Variants in LRMDA observed in about 807,000 individuals in gnomAD.
LRMDA encodes leucine rich melanocyte differentiation associated.
A neutral mutation model predicts 29.8 loss-of-function variants in LRMDA; 18 were observed. The ratio of observed to expected loss-of-function variants is 0.60; its 90% CI spans 0.42 to 0.90. LRMDA has a LOEUF of 0.90. LRMDA is among the 40% of genes least tolerant of loss of function. The pLI is 0.00. For synonymous variants in LRMDA, 125 were observed against 109.4 expected (o/e 1.14, Z -0.89); for missense variants, 273 against 273.9 (o/e 1.00, Z 0.02).
chr10:76,159,894 G>A (rs535307109), intron 5 of LRMDA, among the ~76,000 whole-genome samples: 1 of 152,118 alleles, frequency 6.6e-6, no homozygotes, highest in Non-Finnish European at 1.5e-5. Flanking sequence ...GGATGAATAG[G>A]CAGAGAACAG....
At chr10:75,856,261 T>C (rs1186897980) in intron 2 of LRMDA, among the ~76,000 whole-genome samples, 5 of 152,214 alleles carry the variant, frequency 3.3e-5, no homozygotes. Flanking sequence ...TTTGTAGTTC[T>C]CCTTGAAGAG....
At chr10:75,557,035 C>A (rs1267079187) in intron 2 of LRMDA, among the ~76,000 whole-genome samples, 1 of 151,814 alleles carries the variant, frequency 6.6e-6, no homozygotes, top group Non-Finnish European at 1.5e-5. Context: ...AAAATGGGGC[C>A]AGGCATGGTG....
chr10:76,554,749 A>G (rs1282004745), intron 6 of LRMDA, among the ~76,000 whole-genome samples: 2 of 152,156 alleles, frequency 1.3e-5, no homozygotes, highest in Non-Finnish European at 1.5e-5. Context: ...CTTGCCATTC[A>G]AGTTGCATGT....
intron 5 of LRMDA, chr10:76,318,910 T>G (rs901830968): frequency 4.8e-5 from 7 of 146,680 alleles, no homozygotes; most frequent in African/African-American, 1.5e-4. Context: ...TGGTATGTAG[T>G]TTTTTTTTTG....
At chr10:76,222,297 C>T (rs1183257051) in intron 5 of LRMDA, among the ~76,000 whole-genome samples, 1 of 152,126 alleles carries the variant, frequency 6.6e-6, no homozygotes, top group Non-Finnish European at 1.5e-5. Context: ...AGAGCTTCTG[C>T]ACAGCAAAAG....
intron 5 of LRMDA, among the ~76,000 whole-genome samples, chr10:76,109,868 C>CA (rs977599131): frequency 1.4e-4 from 22 of 152,242 alleles, no homozygotes; most frequent in African/African-American, 5.3e-4. Flanking sequence ...CCTCCCTGGC[C>CA]ACTCTTACAT....
intron 5 of LRMDA, among the ~76,000 whole-genome samples, chr10:76,231,150 A>G (rs915978547): frequency 6.6e-6 from 1 of 152,192 alleles, no homozygotes; most frequent in Non-Finnish European, 1.5e-5. Context: ...GGAAAGAGAA[A>G]GAAAGAAAAA....
chr10:75,978,575 T>C (rs1847113409), intron 2 of LRMDA, among the ~76,000 whole-genome samples: 1 of 152,208 alleles, frequency 6.6e-6, no homozygotes, highest in African/African-American at 2.4e-5. Context: ...ATCCAGGTTC[T>C]GTTACAAAGC....
At chr10:75,782,053 A>T (rs1291331405) in intron 2 of LRMDA, among the ~76,000 whole-genome samples, 1 of 152,228 alleles carries the variant, frequency 6.6e-6, no homozygotes, top group Non-Finnish European at 1.5e-5. Flanking sequence ...TTTGTGAAGC[A>T]TGTGAGAACC....
At chr10:76,031,497 C>T (rs1019780861) in intron 2 of LRMDA, among the ~76,000 whole-genome samples, 2 of 152,104 alleles carry the variant, frequency 1.3e-5, no homozygotes, top group Admixed American at 6.5e-5. Flanking sequence ...GAACAGTGCT[C>T]AGTGGATGAG....
intron 6 of LRMDA, among the ~76,000 whole-genome samples, chr10:76,405,503 A>G (rs77640677): frequency 0.017 from 2,640 of 152,274 alleles, 71 homozygotes; most frequent in African/African-American, 0.06. Flanking sequence ...CAACAGGGTA[A>G]AGGACCAGAC....
At chr10:75,635,889 T>C (rs1399652480) in intron 2 of LRMDA, among the ~76,000 whole-genome samples, 2 of 152,132 alleles carry the variant, frequency 1.3e-5, no homozygotes, top group Non-Finnish European at 2.9e-5. Context: ...GTTTACTCAT[T>C]TTTGAGAAGC....
intron 2 of LRMDA, among the ~76,000 whole-genome samples, chr10:75,690,850 A>G (rs929826655): frequency 9.9e-5 from 15 of 150,818 alleles, no homozygotes; most frequent in Non-Finnish European, 1.9e-4. Context: ...GTGTGCACCT[A>G]CAGTCCTAGC....
intron 6 of LRMDA, among the ~76,000 whole-genome samples, chr10:76,551,340 G>A (rs1843492082): frequency 6.6e-6 from 1 of 151,920 alleles, no homozygotes; most frequent in East Asian, 1.9e-4. Context: ...TCATACCAGA[G>A]GTTAAAAGAT....
At chr10:75,702,454 G>T (rs867925685) in intron 2 of LRMDA, among the ~76,000 whole-genome samples, 2 of 152,134 alleles carry the variant, frequency 1.3e-5, no homozygotes, top group Non-Finnish European at 2.9e-5. Context: ...GACTTTAGGG[G>T]CCCACTAAAG....
chr10:76,143,833 A>G (rs1281622958), intron 5 of LRMDA, among the ~76,000 whole-genome samples: 1 of 152,176 alleles, frequency 6.6e-6, no homozygotes, highest in Non-Finnish European at 1.5e-5. Flanking sequence ...TAGGTCTAAC[A>G]TTTAAGTCTT....
intron 2 of LRMDA, among the ~76,000 whole-genome samples, chr10:75,823,971 A>G (rs1844209071): frequency 6.6e-6 from 1 of 152,124 alleles, no homozygotes; most frequent in South Asian, 2.1e-4. Context: ...GTGGGATAAT[A>G]GACACTGGAG....
At chr10:76,544,728 A>G (rs868455637) in intron 6 of LRMDA, among the ~76,000 whole-genome samples, 1,817 of 149,356 alleles carry the variant, frequency 0.012, 27 homozygotes, top group African/African-American at 0.043. Context: ...ACACACACAC[A>G]CACACACACA....
intron 5 of LRMDA, among the ~76,000 whole-genome samples, chr10:76,174,999 T>C (rs1850907029): frequency 6.6e-6 from 1 of 152,182 alleles, no homozygotes; most frequent in Admixed American, 6.5e-5. Flanking sequence ...CGTGCGCCTG[T>C]AGTCCCAGCT....
Sources: allele counts gnomAD v4.1 joint callset (sites outside exome capture counted in the v4.1 genomes callset), GRCh38; gene constraint gnomAD v4.1.1; transcripts MANE v1.5; gene names NCBI Gene and HGNC (gene_info 2026-07-23, HGNC 2026-07-21).